The following PLCB4 variants were observed in gnomAD, a reference collection of about 807,000 sequenced individuals.
PLCB4 encodes the protein 1-phosphatidylinositol 4,5-bisphosphate phosphodiesterase beta-4.
In PLCB4, 77 loss-of-function variants were observed where a neutral mutation model predicts 178.8. The observed-to-expected ratio is 0.43, with a 90% confidence interval of 0.36 to 0.52. The LOEUF is 0.52. Ranked by LOEUF, PLCB4 falls within the 20% of genes least tolerant of loss-of-function variation. The probability of loss-of-function intolerance (pLI) is 0.00; values close to 1 mark genes in which losing one functional copy is unlikely to be tolerated. For synonymous variants in PLCB4, 496 were observed against 490.8 expected (o/e 1.01, Z -0.14); for missense variants, 1,024 against 1,453.4 (o/e 0.70, Z 4.80).
intron 27 of PLCB4, 55 bp downstream of exon 27, chr20:9,421,516 A>G (rs1223715255): frequency 2.1e-6 from 3 of 1,434,416 alleles, no homozygotes; most frequent in Non-Finnish European, 2.9e-6. Flanking sequence ...GCCATGTTTT[A>G]GTTCACAGAC....
chr20:9,192,704 A>T (rs554392833), intron 2 of PLCB4, among the ~76,000 whole-genome samples: 1 of 151,848 alleles, frequency 6.6e-6, no homozygotes, highest in Non-Finnish European at 1.5e-5. Flanking sequence ...AGTACCAGCA[A>T]GTCAGGAGTC....
intron 4 of PLCB4, among the ~76,000 whole-genome samples, chr20:9,313,199 A>T (rs1163153922): frequency 6.6e-6 from 1 of 152,242 alleles, no homozygotes; most frequent in East Asian, 1.9e-4. Flanking sequence ...TAATAATCAT[A>T]ATAAATTAGT....
chr20:9,100,927 T>A (rs2091122739), intron 2 of PLCB4, among the ~76,000 whole-genome samples: 1 of 152,068 alleles, frequency 6.6e-6, no homozygotes, highest in African/African-American at 2.4e-5. Context: ...TGCTACGGTG[T>A]GTCGCCCGTG....
intron 19 of PLCB4, among the ~76,000 whole-genome samples, chr20:9,396,415 A>T: frequency 6.6e-6 from 1 of 152,348 alleles, no homozygotes; most frequent in African/African-American, 2.4e-5. Flanking sequence ...AGCTCACCAG[A>T]ATTATCTCTG....
At chr20:9,252,625 T>C (rs2094193013) in intron 3 of PLCB4, among the ~76,000 whole-genome samples, 1 of 152,180 alleles carries the variant, frequency 6.6e-6, no homozygotes, top group African/African-American at 2.4e-5. Flanking sequence ...GGCTAAGGGA[T>C]ATCAGATAGC....
At chr20:9,116,384 G>A (rs548855720) in intron 2 of PLCB4, among the ~76,000 whole-genome samples, 30 of 152,182 alleles carry the variant, frequency 2.0e-4, no homozygotes, top group African/African-American at 6.7e-4. Context: ...CATTGTGCAT[G>A]TACATAGATA....
chr20:9,401,649 T>C, intron 20 of PLCB4, 59 bp downstream of exon 20: 1 of 1,211,492 alleles, frequency 8.3e-7, no homozygotes, highest in Middle Eastern at 1.9e-4. Flanking sequence ...TTATGAAATT[T>C]TGGAAATGTG....
chr20:9,111,322 T>C (rs1002260298), intron 2 of PLCB4, among the ~76,000 whole-genome samples: 10 of 152,206 alleles, frequency 6.6e-5, no homozygotes, highest in South Asian at 2.1e-4. Flanking sequence ...TTTTACGAAA[T>C]TGAGATCTCA....
chr20:9,461,653 T>G (rs1371614630), intron 35 of PLCB4, among the ~76,000 whole-genome samples: 2 of 152,234 alleles, frequency 1.3e-5, no homozygotes, highest in African/African-American at 4.8e-5. Flanking sequence ...CCAGGCTCAC[T>G]GCTAGTGCAG....
chr20:9,397,671 G>A (rs575114567), intron 19 of PLCB4, among the ~76,000 whole-genome samples: 12 of 152,268 alleles, frequency 7.9e-5, no homozygotes, highest in Non-Finnish European at 1.6e-4. Flanking sequence ...CAGTCCTTGG[G>A]TTTGACATTA....
chr20:9,277,279 C>T (rs2094458242), intron 3 of PLCB4, among the ~76,000 whole-genome samples: 1 of 152,030 alleles, frequency 6.6e-6, no homozygotes, highest in Non-Finnish European at 1.5e-5. Context: ...TTTTGAAAAG[C>T]ATGAGCTGTT....
In PLCB4 at chr20:9,413,723, A is replaced by T. The variant is rs1260575763; in HGVS notation, c.2051+2635A>T. 2.0e-5 allele frequency among the ~76,000 whole-genome samples: 3 copies of T among 150,426 alleles called. No individual in the cohort carries two copies. In the East Asian group the frequency reaches 5.9e-4, roughly 29 times the overall value. On this transcript the variant is annotated intron_variant, in intron 25 of 39. Coordinates refer to ENST00000378473, the MANE Select transcript of PLCB4 (RefSeq NM_001377142.1). ...TTTGTTTTTCCTAGAATTTCTGCTT[A>T]GCCATTATTAGCACGTGCAGTGTCT...
intron 2 of PLCB4, among the ~76,000 whole-genome samples, chr20:9,143,116 T>C (rs530943847): frequency 1.3e-5 from 2 of 152,282 alleles, no homozygotes; most frequent in East Asian, 3.9e-4. Flanking sequence ...TTTCTTTTAG[T>C]GTTGCCATCC....
intron 7 of PLCB4, among the ~76,000 whole-genome samples, chr20:9,346,173 G>A (rs2033776916): frequency 1.3e-5 from 2 of 152,160 alleles, no homozygotes; most frequent in South Asian, 4.1e-4. Context: ...TAGGCCAGTG[G>A]CTCTCAATAC....
intron 8 of PLCB4, among the ~76,000 whole-genome samples, chr20:9,364,415 C>A (rs970020245): frequency 6.6e-6 from 1 of 152,202 alleles, no homozygotes; most frequent in African/African-American, 2.4e-5. Flanking sequence ...GACCTGTCCA[C>A]TTCTTCAGAG....
chr20:9,234,279 A>G (rs1398881936), intron 3 of PLCB4, among the ~76,000 whole-genome samples: 2 of 152,142 alleles, frequency 1.3e-5, no homozygotes, highest in African/African-American at 4.8e-5. Context: ...TTGAGTGTAA[A>G]TGGCAAGTAA....
intron 39 of PLCB4, 82 bp from the exon 40 acceptor site, chr20:9,478,839 A>G (rs1603136289): frequency 1.0e-6 from 1 of 960,792 alleles, no homozygotes; most frequent in East Asian, 2.4e-5. Context: ...GATCATATTT[A>G]TGGGAGAAGA....
At chr20:9,446,713 T>C (rs964049489) in intron 32 of PLCB4, among the ~76,000 whole-genome samples, 3 of 152,148 alleles carry the variant, frequency 2.0e-5, no homozygotes, top group African/African-American at 7.2e-5. Flanking sequence ...AAACCCTGTC[T>C]CTAGTAAAAA....
chr20:9,075,584 C>T lies in PLCB4; in HGVS notation c.-135+6378C>T, dbSNP rs541856470. 7.9e-5 allele frequency among the ~76,000 whole-genome samples: 12 copies of T among 152,288 alleles called. No homozygotes were observed. The East Asian group carries it at 9.7e-4, about 12-fold the overall frequency. On this transcript the variant is annotated intron_variant, in intron 1 of 39. Transcript: ENST00000378473. ...GGTGTACTCTGATTCCTCTAAGGGC[C>T]AAGTAAGTGAAAGGCCCAAGTGTGG...
Sources: gnomAD v4.1 joint callset for allele counts (sites outside exome capture counted in the v4.1 genomes callset) on GRCh38, gnomAD v4.1.1 for gene constraint, MANE v1.5 for transcripts, NCBI Gene and HGNC (gene_info 2026-07-23, HGNC 2026-07-21) for gene names.